Variants in OR3A2 observed in about 807,000 individuals in gnomAD.
OR3A2 encodes the protein olfactory receptor family 3 subfamily A member 2.
For synonymous variants in OR3A2, 126 were observed against 159.3 expected, an observed-to-expected ratio of 0.79 and a Z score of 1.57; for missense variants, 318 against 392.8, an observed-to-expected ratio of 0.81 and a Z score of 1.61.
At chr17:3,332,376 A>G (rs1253206378) in intron 3 of OR3A2, among the ~76,000 whole-genome samples, 4 of 152,230 alleles carry the variant, frequency 2.6e-5, no homozygotes, top group African/African-American at 7.2e-5. Flanking sequence ...CCGTGGGCGT[A>G]GGACCCTCCG....
chr17:3,350,939 A>G (rs2049414903), intron 2 of OR3A2, among the ~76,000 whole-genome samples: 1 of 151,634 alleles, frequency 6.6e-6, no homozygotes, highest in Non-Finnish European at 1.5e-5. Context: ...AAACCACATG[A>G]TTATCTCAAT....
intron 1 of OR3A2, among the ~76,000 whole-genome samples, chr17:3,279,867 G>C (rs1240463840): frequency 6.6e-6 from 1 of 152,148 alleles, no homozygotes; most frequent in African/African-American, 2.4e-5. Flanking sequence ...CAAAGCTGTA[G>C]CAAGAATCAG....
At chr17:3,319,414 T>C (rs550574245) in intron 3 of OR3A2, among the ~76,000 whole-genome samples, 58 of 152,150 alleles carry the variant, frequency 3.8e-4, no homozygotes, top group Non-Finnish European at 6.8e-4. Flanking sequence ...TTAGGGTACA[T>C]GTGCACAACA....
Position 3,278,026 on chromosome 17 carries a change from G to A in OR3A2, c.892C>T (p.Pro298Ser), listed in dbSNP as rs1040649291. ...TGCCACAGAGCACCCTGAACATCAG[G>A]GTTTCTGAGGCTGTAGATAAGAGGG... Residue 298 changes from proline to serine, a missense_variant, in exon 2 of 2, where the codon CCT becomes TCT. Physicochemically the swap from Pro to Ser is moderately conservative, Grantham distance 74. Transcript: ENST00000642052. 4.3e-6 allele frequency: 7 copies of A among 1,609,830 alleles called. No homozygotes were observed. The South Asian group carries it at 7.7e-5, about 18-fold the overall frequency.
intron 3 of OR3A2, among the ~76,000 whole-genome samples, chr17:3,313,967 C>T (rs1210723269): frequency 6.6e-6 from 1 of 152,060 alleles, no homozygotes; most frequent in African/African-American, 2.4e-5. Context: ...TCAAAATATC[C>T]TCAAGGTCCC....
chr17:3,358,437 A>G (rs1008907364), intron 2 of OR3A2, among the ~76,000 whole-genome samples: 2 of 151,532 alleles, frequency 1.3e-5, no homozygotes, highest in Non-Finnish European at 2.9e-5. Flanking sequence ...CCCTCTTAAC[A>G]TTGCTTTAGC....
chr17:3,326,518 T>C (rs917559454), intron 3 of OR3A2, among the ~76,000 whole-genome samples: 5 of 152,050 alleles, frequency 3.3e-5, no homozygotes, highest in Non-Finnish European at 4.4e-5. Flanking sequence ...CCGAAATTAA[T>C]ACTTTTATAA....
chr17:3,382,918 C>A (rs559312424), intron 2 of OR3A2, among the ~76,000 whole-genome samples: 3 of 152,132 alleles, frequency 2.0e-5, no homozygotes, highest in African/African-American at 7.2e-5. Context: ...TTCTTCAGAG[C>A]CCCGGAACCC....
At chr17:3,301,487 C>T (rs2048965484) in intron 3 of OR3A2, among the ~76,000 whole-genome samples, 1 of 152,146 alleles carries the variant, frequency 6.6e-6, no homozygotes, top group Non-Finnish European at 1.5e-5. Flanking sequence ...GCATAAATGT[C>T]TTCTTTTGAG....
chr17:3,340,966 A>C (rs1200560011), intron 2 of OR3A2, among the ~76,000 whole-genome samples: 2 of 152,132 alleles, frequency 1.3e-5, no homozygotes, highest in Non-Finnish European at 2.9e-5. Flanking sequence ...GGGTGCATAT[A>C]TATTTAGGAT....
intron 3 of OR3A2, chr17:3,310,459 C>A (rs137875208): frequency 1.9e-6 from 1 of 535,630 alleles, no homozygotes; most frequent in South Asian, 1.4e-5. Context: ...AGCATCCTGG[C>A]GGCCATCCTT....
At chr17:3,364,217 T>C (rs553503851) in intron 2 of OR3A2, among the ~76,000 whole-genome samples, 8 of 152,350 alleles carry the variant, frequency 5.3e-5, no homozygotes, top group Non-Finnish European at 1.2e-4. Flanking sequence ...TTATGTTTTA[T>C]TGTATTTTTA....
intron 3 of OR3A2, among the ~76,000 whole-genome samples, chr17:3,301,363 G>C (rs2150626442): frequency 6.6e-6 from 1 of 152,146 alleles, no homozygotes; most frequent in South Asian, 2.1e-4. Flanking sequence ...GTTGTTTCCT[G>C]ACTTTTTAAT....
intron 3 of OR3A2, among the ~76,000 whole-genome samples, chr17:3,312,986 C>T (rs28409549): frequency 0.17 from 25,668 of 152,018 alleles, 3,130 homozygotes; most frequent in African/African-American, 0.34. Context: ...TTAATTCATA[C>T]GTACAGATAA....
At position 3,278,888 on chromosome 17, in the gene OR3A2, G is replaced by A. The variant is rs376118398; in HGVS notation, c.30C>T (p.Thr10=). ...CCAGTAGAATGAACTCAGCAACAGC[G>A]GTCCTATTGGTCCCAGCTTCTGGCT... Residue 10 remains threonine, a synonymous_variant, in exon 2 of 2, where the codon ACC becomes ACT. Coordinates refer to ENST00000642052, the Ensembl canonical transcript of OR3A2. The A allele has an allele frequency of 4.5e-5, 69 of 1,518,670 alleles. No individual in the cohort carries two copies. In the African/African-American group the frequency reaches 6.2e-4, roughly 14 times the overall value. 94.1% of individuals were successfully genotyped at this position (1,518,670 alleles called of 1,614,324 possible).
chr17:3,338,452 A>G (rs28873108), intron 2 of OR3A2, among the ~76,000 whole-genome samples: 23,022 of 151,924 alleles, frequency 0.15, 2,327 homozygotes, highest in African/African-American at 0.28. Flanking sequence ...TTTTGTATAA[A>G]GTGTAAGGAA....
At chr17:3,386,063 T>C in intron 1 of OR3A2, 62 bp downstream of exon 1, 2 of 398,786 alleles carry the variant, frequency 5.0e-6, no homozygotes, top group Non-Finnish European at 4.4e-6. Flanking sequence ...AACCTGAGCA[T>C]GGTGGCGCTG....
In OR3A2 at chr17:3,381,194, C is replaced by T. The variant is rs191230023; in HGVS notation, c.-179+2610G>A. 1.9e-3 allele frequency among the ~76,000 whole-genome samples: 292 copies of T among 151,872 alleles called. 2 individuals are homozygous for T. The highest frequency in any genetic ancestry group is 6.5e-3 in the African/African-American group (270 of 41,394). ...GTGCCTGGACATATCGGGATACATC[C>T]GTGTGTGTCTGTGTGCAAGCGTGTA... is the stretch of plus-strand genomic sequence containing the variant. On this transcript the variant is annotated intron_variant, in intron 2 of 4. Transcript: ENST00000573491.
At chr17:3,329,973 A>T (rs1567556984) in intron 3 of OR3A2, among the ~76,000 whole-genome samples, 1 of 146,318 alleles carries the variant, frequency 6.8e-6, no homozygotes, top group Non-Finnish European at 1.5e-5. Flanking sequence ...TTATGTATCC[A>T]GTAGTCATTC....
Sources: gnomAD v4.1 joint callset for allele counts (sites outside exome capture counted in the v4.1 genomes callset) on GRCh38, gnomAD v4.1.1 for gene constraint, MANE v1.5 for transcripts, NCBI Gene and HGNC (gene_info 2026-07-23, HGNC 2026-07-21) for gene names.